RNGTT: variants seen among roughly 807,000 people sequenced by gnomAD.
RNGTT encodes the protein mRNA-capping enzyme.
Under a neutral mutation model 79.3 loss-of-function variants are expected in RNGTT, and 33 were observed. The ratio of observed to expected loss-of-function variants is 0.42; its 90% CI spans 0.32 to 0.56. RNGTT has a LOEUF of 0.56. Among genes scored for constraint, RNGTT ranks in the 20% least tolerant of loss-of-function variants. The pLI is 0.17. For synonymous variants in RNGTT, 222 were observed against 235.9 expected, an observed-to-expected ratio of 0.94 and a Z score of 0.54; for missense variants, 497 against 739.1, an observed-to-expected ratio of 0.67 and a Z score of 3.80.
Position 88,614,122 on chromosome 6 carries a change from T to C in RNGTT, c.1630+150A>G. 5.5e-6 allele frequency: 4 copies of C among 729,418 alleles called. 1 individual carries two copies. The South Asian group carries it at 8.2e-5, about 15-fold the overall frequency. The allele number at this position is 729,418 out of a possible 1,614,324, so 45.2% of individuals were successfully genotyped here. A position where few individuals can be genotyped will look rare whatever the true frequency, so the allele number is the denominator to read the frequency against. On this transcript the variant is annotated intron_variant, in intron 15 of 15. Transcript: ENST00000369485. ...ACAAGCCAACTGGAGCCAAACAGAATACAGACTTGACGTATCTTTCCCATC... is the reference window on the plus strand; with the variant it reads ...ACAAGCCAACTGGAGCCAAACAGAACACAGACTTGACGTATCTTTCCCATC...
In RNGTT at chr6:88,890,590, T is replaced by C; in HGVS notation, c.801A>G (p.Gly267=). The stretch of plus-strand genomic sequence containing the variant: ...TGGAAACAGGCTGTGCTCCAGGGAA[T>C]CCAGACCTTAAAGAAGAACACAGTA... The part of the protein sequence containing the change: ...CHQFCGWEGS[G]FPGAQPVSMD... Residue 267 remains glycine (G), a synonymous_variant, in exon 8 of 16, where the codon GGA becomes GGG. Coordinates refer to ENST00000369485, the MANE Select transcript of RNGTT (RefSeq NM_003800.5). 1 of 1,611,990 alleles carries C rather than the reference T, an allele frequency of 6.2e-7. No homozygotes were observed. The highest frequency in any genetic ancestry group is 8.5e-7 in the Non-Finnish European group (1 of 1,178,440).
chr6:88,775,127 A>G (rs1022115872), intron 12 of RNGTT, among the ~76,000 whole-genome samples: 9 of 152,234 alleles, frequency 5.9e-5, no homozygotes, highest in African/African-American at 1.9e-4. Flanking sequence ...TTTGATATGT[A>G]AAGTATATAA....
At chr6:88,696,368 T>C (rs992611982) in intron 13 of RNGTT, among the ~76,000 whole-genome samples, 3 of 152,272 alleles carry the variant, frequency 2.0e-5, no homozygotes, top group East Asian at 1.9e-4. Context: ...CTTAAGTAAA[T>C]AGTTGAAAAG....
intron 13 of RNGTT, among the ~76,000 whole-genome samples, chr6:88,766,835 G>A (rs1243412077): frequency 1.3e-5 from 2 of 152,034 alleles, no homozygotes; most frequent in Non-Finnish European, 1.5e-5. Flanking sequence ...ATATTTGGAA[G>A]TACAATCAAA....
At chr6:88,929,465 G>C (rs943225686) in intron 2 of RNGTT, among the ~76,000 whole-genome samples, 198 bp from the exon 3 acceptor site, 7 of 152,032 alleles carry the variant, frequency 4.6e-5, no homozygotes, top group African/African-American at 1.7e-4. Flanking sequence ...GCAGGCACTT[G>C]ATAAAATAAA....
At chr6:88,951,607 G>A (rs1028814335) in intron 1 of RNGTT, among the ~76,000 whole-genome samples, 8 of 152,162 alleles carry the variant, frequency 5.3e-5, no homozygotes, top group Admixed American at 5.2e-4. Context: ...GTGTGAGAGG[G>A]GGGATAAAAC....
intron 13 of RNGTT, among the ~76,000 whole-genome samples, chr6:88,705,487 A>T (rs1776098810): frequency 6.6e-6 from 1 of 152,160 alleles, no homozygotes; most frequent in Admixed American, 6.5e-5. Context: ...CAAGATAAAG[A>T]TTACCTGGTC....
At chr6:88,681,808 T>A (rs1265629615) in intron 13 of RNGTT, among the ~76,000 whole-genome samples, 2 of 152,174 alleles carry the variant, frequency 1.3e-5, no homozygotes, top group Non-Finnish European at 2.9e-5. Flanking sequence ...CCATAACCTT[T>A]ATACAAATGC....
intron 8 of RNGTT, among the ~76,000 whole-genome samples, chr6:88,879,970 G>GGCT (rs1470239236): frequency 2.6e-5 from 4 of 152,058 alleles, no homozygotes; most frequent in Non-Finnish European, 5.9e-5. Context: ...AGGGGGATAT[G>GGCT]GCTGCTTTTT....
intron 14 of RNGTT, among the ~76,000 whole-genome samples, chr6:88,629,336 T>C (rs1412120582): frequency 6.6e-6 from 1 of 152,162 alleles, no homozygotes; most frequent in African/African-American, 2.4e-5. Flanking sequence ...CTTTCAAAGA[T>C]GCAGGGGGAA....
intron 14 of RNGTT, among the ~76,000 whole-genome samples, chr6:88,659,156 T>C (rs532283244): frequency 6.6e-6 from 1 of 152,250 alleles, no homozygotes; most frequent in South Asian, 2.1e-4. Flanking sequence ...CAGCAGCCCT[T>C]GAAGTCCAGA....
At chr6:88,626,041 C>T (rs1772619625) in intron 14 of RNGTT, among the ~76,000 whole-genome samples, 1 of 151,992 alleles carries the variant, frequency 6.6e-6, no homozygotes, top group South Asian at 2.1e-4. Context: ...ATGCTCACAA[C>T]AACCCTATGA....
At chr6:88,885,262 G>C (rs950093242) in intron 8 of RNGTT, among the ~76,000 whole-genome samples, 1 of 152,132 alleles carries the variant, frequency 6.6e-6, no homozygotes, top group Non-Finnish European at 1.5e-5. Flanking sequence ...GTTGATTCCA[G>C]GGCTGGGGTA....
intron 14 of RNGTT, among the ~76,000 whole-genome samples, chr6:88,627,936 C>T (rs1028110506): frequency 6.6e-6 from 1 of 152,094 alleles, no homozygotes; most frequent in South Asian, 2.1e-4. Flanking sequence ...CTATAACCTG[C>T]CTTTGATATG....
At chr6:88,681,436 C>T (rs544339538) in intron 13 of RNGTT, among the ~76,000 whole-genome samples, 3 of 152,190 alleles carry the variant, frequency 2.0e-5, no homozygotes, top group Non-Finnish European at 2.9e-5. Context: ...TTATCCCTTA[C>T]CATATATTAT....
chr6:88,672,298 T>C (rs957144197), intron 14 of RNGTT, among the ~76,000 whole-genome samples: 2 of 150,776 alleles, frequency 1.3e-5, no homozygotes, highest in African/African-American at 4.9e-5. Flanking sequence ...TATATACACA[T>C]ATATATAAAT....
At chr6:88,707,716 C>T (rs1776177920) in intron 13 of RNGTT, among the ~76,000 whole-genome samples, 1 of 140,836 alleles carries the variant, frequency 7.1e-6, no homozygotes, top group Non-Finnish European at 1.5e-5. Context: ...TTCATAGCTT[C>T]CCTAACATTA....
chr6:88,725,051 C>T (rs998762353), intron 13 of RNGTT, among the ~76,000 whole-genome samples: 91 of 152,302 alleles, frequency 6.0e-4, no homozygotes, highest in African/African-American at 2.1e-3. Context: ...CCTTGCCTTG[C>T]TGAGAATTAA....
At chr6:88,771,697 T>C (rs544819672) in intron 12 of RNGTT, among the ~76,000 whole-genome samples, 21 of 152,256 alleles carry the variant, frequency 1.4e-4, no homozygotes, top group Middle Eastern at 6.8e-3. Context: ...TCTCTCCATT[T>C]ACTCATCCTT....
Sources: gnomAD v4.1 joint callset for allele counts (sites outside exome capture counted in the v4.1 genomes callset) on GRCh38, gnomAD v4.1.1 for gene constraint, MANE v1.5 for transcripts, NCBI Gene and HGNC (gene_info 2026-07-23, HGNC 2026-07-21) for gene names.